The following PHACTR1 variants were observed in gnomAD, a reference collection of about 807,000 sequenced individuals.
PHACTR1 encodes the protein RPEL repeat containing 1.
PHACTR1 carries 16 observed loss-of-function variants against 69.2 expected under a neutral mutation model. The ratio of observed to expected loss-of-function variants is 0.23; its 90% CI spans 0.16 to 0.35. The LOEUF is 0.35. PHACTR1 is among the 10% of genes least tolerant of loss of function. The pLI is 1.00. For synonymous variants in PHACTR1, 312 were observed against 284.5 expected (o/e 1.10, Z -0.97); for missense variants, 510 against 734.7 (o/e 0.69, Z 3.54).
Position 13,118,501 on chromosome 6 carries a change from C to T in PHACTR1, c.416-41703C>T, listed in dbSNP as rs141409816. On this transcript the variant is annotated intron_variant, in intron 5 of 14. Coordinates refer to ENST00000332995, the MANE Select transcript of PHACTR1 (RefSeq NM_030948.6). ...TTTTTTTTTTTTTTTTTTTTTGAGA[C>T]GGAGTCTCGCTTTGTTGCCCAGGCT... Among the ~76,000 whole-genome samples the T allele has an allele frequency of 4.6e-3, 488 of 105,436 alleles. 2 individuals are homozygous for T. Among genetic ancestry groups the T allele is most frequent in the African/African-American group, 0.017 (464 of 27,442 alleles). The allele number at this position is 105,436 out of a possible 152,430, so 69.2% of individuals were successfully genotyped here.
At chr6:13,017,146 A>G (rs551053424) in intron 4 of PHACTR1, among the ~76,000 whole-genome samples, 1 of 134,914 alleles carries the variant, frequency 7.4e-6, no homozygotes, top group South Asian at 2.4e-4. Context: ...AGATTGCGCC[A>G]TTGCACTCCA....
chr6:12,986,528 C>A (rs970119523), intron 4 of PHACTR1, among the ~76,000 whole-genome samples: 1 of 152,090 alleles, frequency 6.6e-6, no homozygotes, highest in African/African-American at 2.4e-5. Flanking sequence ...GTTCATTATT[C>A]CCCCCAGTGT....
intron 4 of PHACTR1, among the ~76,000 whole-genome samples, chr6:13,032,207 A>G (rs1802545693): frequency 2.0e-5 from 3 of 152,212 alleles, no homozygotes; most frequent in Admixed American, 2.0e-4. Context: ...TGTTAAAGAG[A>G]CACATTATAT....
chr6:13,226,702 A>G (rs1412467509), intron 8 of PHACTR1, among the ~76,000 whole-genome samples: 1 of 152,098 alleles, frequency 6.6e-6, no homozygotes, highest in Non-Finnish European at 1.5e-5. Flanking sequence ...TTTTGATGAC[A>G]CGCATGTAGT....
intron 4 of PHACTR1, among the ~76,000 whole-genome samples, chr6:12,871,326 C>T (rs996866662): frequency 1.3e-5 from 2 of 152,192 alleles, no homozygotes; most frequent in African/African-American, 4.8e-5. Flanking sequence ...CAAAACGCTT[C>T]CCTGTGTCCA....
chr6:12,734,190 C>G (rs1199777721), intron 3 of PHACTR1, among the ~76,000 whole-genome samples: 1 of 152,172 alleles, frequency 6.6e-6, no homozygotes, highest in Non-Finnish European at 1.5e-5. Context: ...GTTTTATCCT[C>G]CCAAGGCCCA....
intron 4 of PHACTR1, among the ~76,000 whole-genome samples, chr6:12,844,943 A>G (rs1208061638): frequency 6.6e-6 from 1 of 152,222 alleles, no homozygotes; most frequent in Non-Finnish European, 1.5e-5. Flanking sequence ...GCAAGTATAA[A>G]CATAAATGCT....
intron 4 of PHACTR1, among the ~76,000 whole-genome samples, chr6:12,851,596 G>C (rs1779833478): frequency 6.6e-6 from 1 of 152,102 alleles, no homozygotes; most frequent in Admixed American, 6.6e-5. Flanking sequence ...AATAGAGTCC[G>C]GCATATATGT....
chr6:12,756,017 A>T (rs1167511928), intron 4 of PHACTR1, among the ~76,000 whole-genome samples: 1 of 152,358 alleles, frequency 6.6e-6, no homozygotes, highest in African/African-American at 2.4e-5. Context: ...TGACAGGTTC[A>T]TCACCTACCA....
At chr6:13,053,255 C>G (rs1237689616) in intron 4 of PHACTR1, 110 bp from the exon 5 acceptor site, 2 of 1,143,472 alleles carry the variant, frequency 1.7e-6, no homozygotes, top group Non-Finnish European at 2.4e-6. Context: ...AAACTCTAGT[C>G]ACGTGGTTTC....
chr6:12,893,371 A>T (rs1172402749), intron 4 of PHACTR1, among the ~76,000 whole-genome samples: 1 of 152,198 alleles, frequency 6.6e-6, no homozygotes, highest in Non-Finnish European at 1.5e-5. Context: ...TTTTATATTT[A>T]TATCTTCTAA....
At chr6:13,165,187 A>G (rs1289108315) in intron 6 of PHACTR1, among the ~76,000 whole-genome samples, 2 of 152,208 alleles carry the variant, frequency 1.3e-5, no homozygotes, top group Non-Finnish European at 2.9e-5. Context: ...GATTTTCTAC[A>G]ATATGATTGT....
rs956776833 is a variant in PHACTR1 at position 13,281,001 on chromosome 6, A to T, written c.1510-2421A>T. On this transcript the variant is annotated intron_variant, in intron 12 of 14. Coordinates refer to ENST00000332995, the MANE Select transcript of PHACTR1 (RefSeq NM_030948.6). ...TGCACCAACTGTGACTCTGAGAGGC[A>T]GCAGCCAGCTGCATCCTCGCTCATT... 7 of 1,289,522 alleles carry T rather than the reference A, an allele frequency of 5.4e-6. No individual in the cohort carries two copies. The African/African-American group carries it at 9.1e-5, about 17-fold the overall frequency. The allele number at this position is 1,289,522 out of a possible 1,614,324, so 79.9% of individuals were successfully genotyped here. A position where few individuals can be genotyped will look rare whatever the true frequency, so the allele number is the denominator to read the frequency against.
chr6:13,150,978 C>G (rs1824216313), intron 5 of PHACTR1, among the ~76,000 whole-genome samples: 1 of 152,142 alleles, frequency 6.6e-6, no homozygotes. Flanking sequence ...ATGAATAATT[C>G]TCATTACTCA....
chr6:13,109,039 C>T (rs1031089032), intron 5 of PHACTR1, among the ~76,000 whole-genome samples: 1 of 151,988 alleles, frequency 6.6e-6, no homozygotes, highest in Non-Finnish European at 1.5e-5. Context: ...AGTCTACCTT[C>T]AGATAATATA....
intron 10 of PHACTR1, among the ~76,000 whole-genome samples, chr6:13,231,091 G>GA (rs1770937647): frequency 1.9e-5 from 1 of 52,944 alleles, no homozygotes; most frequent in Non-Finnish European, 4.2e-5. Context: ...AAGGAAGAAG[G>GA]AAGGAAGGGA....
chr6:13,194,401 C>CAAA (rs1297859837), intron 7 of PHACTR1, among the ~76,000 whole-genome samples: 7 of 99,680 alleles, frequency 7.0e-5, no homozygotes, highest in Non-Finnish European at 1.1e-4. Flanking sequence ...GACTCCGTCT[C>CAAA]AAAAAAAAAA....
intron 5 of PHACTR1, among the ~76,000 whole-genome samples, chr6:13,068,018 A>T (rs1808921503): frequency 6.6e-6 from 1 of 152,090 alleles, no homozygotes; most frequent in Admixed American, 6.6e-5. Flanking sequence ...TAACATAGGG[A>T]TAAAACTGGC....
In PHACTR1 at chr6:13,012,032, G is replaced by C. The variant is rs78928832; in HGVS notation, c.251-41333G>C. On this transcript the variant is annotated intron_variant, in intron 4 of 14. Transcript: ENST00000332995. ...CTGGTAGTCCAGCAAAAGGGGGGTG[G>C]TTGCTGAAGCCCTCAATGGGTACCA... Among the ~76,000 whole-genome samples the C allele has an allele frequency of 5.2e-3, 791 of 152,298 alleles. 8 individuals are homozygous for C. The highest frequency in any genetic ancestry group is 0.018 in the African/African-American group (747 of 41,558).
Sources: gnomAD v4.1 joint callset for allele counts (sites outside exome capture counted in the v4.1 genomes callset) on GRCh38, gnomAD v4.1.1 for gene constraint, MANE v1.5 for transcripts, NCBI Gene and HGNC (gene_info 2026-07-23, HGNC 2026-07-21) for gene names.